MIPOL1: variants seen among roughly 807,000 people sequenced by gnomAD.
MIPOL1 encodes mirror-image polydactyly 1, also known as mirror-image polydactyly gene 1 protein.
In MIPOL1, 57 loss-of-function variants were observed where a neutral mutation model predicts 60.9. That is an observed-to-expected ratio of 0.94 (90% CI 0.76 to 1.17). The LOEUF (loss-of-function observed/expected upper bound fraction) is 1.17. MIPOL1 is among the 50% of genes most tolerant of loss of function. The probability of loss-of-function intolerance (pLI) is 0.00; values close to 1 mark genes in which losing one functional copy is unlikely to be tolerated. For missense variants in MIPOL1, 551 were observed against 511.6 expected (o/e 1.08, Z -0.74); for synonymous variants, 179 against 168.8 (o/e 1.06, Z -0.47).
chr14:37,524,559 C>CTTTTTTTTTTTTTTTTTT, intron 12 of MIPOL1, among the ~76,000 whole-genome samples: 1 of 18,500 alleles, frequency 5.4e-5, no homozygotes. Flanking sequence ...CTTAATTTTT[C>CTTTTTTTTTTTTTTTTTT]TTTTTCTTTT....
intron 10 of MIPOL1, among the ~76,000 whole-genome samples, chr14:37,393,474 A>G (rs967007528): frequency 2.0e-5 from 3 of 151,284 alleles, no homozygotes; most frequent in Non-Finnish European, 4.4e-5. Flanking sequence ...TACTATATGA[A>G]TACTTGTTGC....
At chr14:37,230,849 A>G (rs1273119362) in intron 1 of MIPOL1, among the ~76,000 whole-genome samples, 2 of 152,096 alleles carry the variant, frequency 1.3e-5, no homozygotes, top group East Asian at 1.9e-4. Context: ...CCGATGAGAT[A>G]ATAATATTAA....
At chr14:37,342,381 A>G (rs760981625) in intron 9 of MIPOL1, among the ~76,000 whole-genome samples, 4 of 151,540 alleles carry the variant, frequency 2.6e-5, no homozygotes, top group Non-Finnish European at 5.9e-5. Flanking sequence ...CATGCTAAGA[A>G]TTATTCTGAA....
intron 1 of MIPOL1, among the ~76,000 whole-genome samples, chr14:37,233,870 C>T (rs1048094496): frequency 1.3e-5 from 2 of 152,164 alleles, no homozygotes; most frequent in African/African-American, 4.8e-5. Context: ...CAAAATGCCT[C>T]GAACATCTTA....
intron 11 of MIPOL1, among the ~76,000 whole-genome samples, chr14:37,444,584 AC>A (rs1412573095): frequency 2.6e-5 from 4 of 152,336 alleles, no homozygotes; most frequent in Non-Finnish European, 5.9e-5. Context: ...TTTATAAAAG[AC>A]ACAGTTGGAG....
At chr14:37,214,939 GACATCAGTCAGGCCC>G (rs763728783) in intron 1 of MIPOL1, among the ~76,000 whole-genome samples, 37 of 152,018 alleles carry the variant, frequency 2.4e-4, no homozygotes, top group Non-Finnish European at 1.9e-4. Flanking sequence ...TGGAGGGCCT[GACATCAGTCAGGCCC>G]ACCCGCAGTT....
intron 11 of MIPOL1, among the ~76,000 whole-genome samples, chr14:37,475,912 G>T (rs1454337933): frequency 6.6e-6 from 1 of 152,080 alleles, no homozygotes; most frequent in East Asian, 1.9e-4. Flanking sequence ...GGGGTCTTTT[G>T]CCTCCCCACA....
intron 10 of MIPOL1, among the ~76,000 whole-genome samples, chr14:37,402,944 G>A (rs189357635): frequency 6.1e-4 from 93 of 152,258 alleles, no homozygotes; most frequent in African/African-American, 2.1e-3. Flanking sequence ...TATATAAGAT[G>A]GGTAGGCTTG....
At chr14:37,525,880 C>T (rs77923780) in intron 12 of MIPOL1, among the ~76,000 whole-genome samples, 2,294 of 152,236 alleles carry the variant, frequency 0.015, 59 homozygotes, top group African/African-American at 0.052. Flanking sequence ...CCAGTGAAGA[C>T]TTTACATTGC....
At chr14:37,515,074 C>G (rs925023241) in intron 12 of MIPOL1, among the ~76,000 whole-genome samples, 2 of 152,044 alleles carry the variant, frequency 1.3e-5, no homozygotes, top group Non-Finnish European at 2.9e-5. Context: ...AATGAAGAAT[C>G]CTTTGCTTGT....
At chr14:37,384,898 C>T (rs2153514115) in intron 10 of MIPOL1, among the ~76,000 whole-genome samples, 1 of 151,850 alleles carries the variant, frequency 6.6e-6, no homozygotes, top group East Asian at 1.9e-4. Context: ...ACCTGAGTTC[C>T]ATGTTTTGTA....
At chr14:37,473,987 A>T (rs2094727777) in intron 11 of MIPOL1, among the ~76,000 whole-genome samples, 1 of 152,120 alleles carries the variant, frequency 6.6e-6, no homozygotes, top group African/African-American at 2.4e-5. Flanking sequence ...AGTTTAGTTT[A>T]TTCCACAATG....
rs79638425 is a variant in MIPOL1 at position 37,268,808 on chromosome 14, G to A, written c.387+15G>A. 7.3e-4 allele frequency: 1,126 copies of A among 1,539,956 alleles called. 11 individuals carry two copies. The African/African-American group carries it at 0.014, about 20-fold the overall frequency. ...GCAATAAAAAGGTATAATATGGAAAGTCTGATAATTGTATAGTATGGGTTT... is the reference window on the plus strand; with the variant it reads ...GCAATAAAAAGGTATAATATGGAAAATCTGATAATTGTATAGTATGGGTTT... On this transcript the variant is annotated intron_variant, in intron 5 of 12. Transcript: ENST00000684589.
intron 11 of MIPOL1, among the ~76,000 whole-genome samples, chr14:37,452,201 A>G (rs1030529245): frequency 7.9e-5 from 12 of 152,208 alleles, no homozygotes; most frequent in Non-Finnish European, 1.2e-4. Context: ...TCTCTTTTCA[A>G]TGCAGTCCTA....
At chr14:37,479,899 A>G (rs1233801168) in intron 11 of MIPOL1, among the ~76,000 whole-genome samples, 2 of 152,168 alleles carry the variant, frequency 1.3e-5, no homozygotes, top group East Asian at 1.9e-4. Context: ...ATAAGGGACT[A>G]TTATGAATAA....
chr14:37,387,929 A>G (rs529418767), intron 10 of MIPOL1, among the ~76,000 whole-genome samples: 1 of 152,034 alleles, frequency 6.6e-6, no homozygotes, highest in African/African-American at 2.4e-5. Context: ...AGGAAACTTG[A>G]GGTAGAAATT....
rs756594798 is a variant in MIPOL1 at position 37,369,580 on chromosome 14, A to G, written c.892A>G (p.Met298Val). The change falls in exon 10 of 13, where the codon ATG becomes GTG. Residue 298 changes from methionine (M) to valine (V), a missense_variant. Physicochemically the swap from Met to Val is conservative, Grantham distance 21. Transcript: ENST00000684589. ...GCAGAACCAGACTTCAGCAAACAACATGAGACATCTGACTGCTGAAAACAA... is the reference window on the plus strand; with the variant it reads ...GCAGAACCAGACTTCAGCAAACAACGTGAGACATCTGACTGCTGAAAACAA... ...KEQNQTSANN[M>V]RHLTAENNQE... 3 of 1,613,338 alleles carry G rather than the reference A, an allele frequency of 1.9e-6. No homozygotes were observed. The highest frequency in any genetic ancestry group is 2.5e-6 in the Non-Finnish European group (3 of 1,179,594).
intron 7 of MIPOL1, among the ~76,000 whole-genome samples, chr14:37,287,032 A>G (rs766826420): frequency 5.9e-5 from 9 of 152,076 alleles, no homozygotes; most frequent in South Asian, 2.1e-4. Context: ...AACCCAGTCT[A>G]TCTTTGAATA....
At chr14:37,273,792 C>T (rs1295137361) in intron 6 of MIPOL1, among the ~76,000 whole-genome samples, 2 of 151,152 alleles carry the variant, frequency 1.3e-5, no homozygotes, top group South Asian at 2.1e-4. Context: ...TTATCTTCTC[C>T]GATGTAAAAT....
Sources: gnomAD v4.1 joint callset for allele counts (sites outside exome capture counted in the v4.1 genomes callset) on GRCh38, gnomAD v4.1.1 for gene constraint, MANE v1.5 for transcripts, NCBI Gene and HGNC (gene_info 2026-07-23, HGNC 2026-07-21) for gene names.